TMEM108: variants seen among roughly 807,000 people sequenced by gnomAD.
TMEM108 encodes cancer/testis antigen 124.
A neutral mutation model predicts 35.1 loss-of-function variants in TMEM108; 12 were observed. The observed-to-expected ratio is 0.34, with a 90% CI of 0.22 to 0.55. The LOEUF is 0.55. TMEM108 is among the 20% of genes least tolerant of loss of function. The pLI, the probability that TMEM108 is intolerant of heterozygous loss-of-function variation, is 0.89. For synonymous variants in TMEM108, 287 were observed against 308.6 expected (o/e 0.93, Z 0.73); for missense variants, 680 against 753.3 (o/e 0.90, Z 1.14).
intron 3 of TMEM108, among the ~76,000 whole-genome samples, chr3:133,241,121 A>G (rs1946307097): frequency 6.9e-6 from 1 of 144,362 alleles, no homozygotes; most frequent in Non-Finnish European, 1.5e-5. Context: ...AAATTCAAAC[A>G]GAATATTTTA....
chr3:133,334,794 G>C (rs991117224), intron 3 of TMEM108, among the ~76,000 whole-genome samples: 3 of 152,144 alleles, frequency 2.0e-5, no homozygotes, highest in Non-Finnish European at 4.4e-5. Flanking sequence ...GACATTTTAG[G>C]CATAACTGAT....
At chr3:133,268,828 A>T (rs1946733659) in intron 3 of TMEM108, among the ~76,000 whole-genome samples, 8 of 152,236 alleles carry the variant, frequency 5.3e-5, no homozygotes, top group Admixed American at 5.2e-4. Context: ...TAATGTGATA[A>T]ACAGAGATTT....
In TMEM108 at chr3:133,381,111, T is replaced by C. The variant is rs2073000461; in HGVS notation, c.1400T>C (p.Met467Thr). The change falls in exon 4 of 6, where the codon ATG (methionine) becomes ACG (threonine). Residue 467 changes from methionine (M) to threonine (T), a missense_variant. By Grantham distance (81) the Met-to-Thr change is moderately conservative. Transcript: ENST00000321871. The stretch of plus-strand genomic sequence containing the variant: ...AGAGCCACCATCTGCCTGAGCAAGA[T>C]GGATATCGCCTGGGTGATCCTGGCC... ...QHRATICLSK[M>T]DIAWVILAIS... The C allele has an allele frequency of 1.9e-6, 3 of 1,613,352 alleles. No individual in the cohort carries two copies. The highest frequency in any genetic ancestry group is 3.3e-5 in the Admixed American group (2 of 59,970).
Position 133,133,998 on chromosome 3 carries a change from G to C in TMEM108, c.-47+87978G>C, listed in dbSNP as rs554604849. ...CAGGTGGTCTCGATCTCCTGACCTC[G>C]TGATCCACCCACCTCAGCCTCCCAA... On this transcript the variant is annotated intron_variant, in intron 2 of 5. Coordinates refer to ENST00000321871, the MANE Select transcript of TMEM108 (RefSeq NM_023943.4). Among the ~76,000 whole-genome samples the C allele has an allele frequency of 9.9e-5, 15 of 151,892 alleles. 1 individual carries two copies. The South Asian group carries it at 2.9e-3, about 29-fold the overall frequency.
intron 3 of TMEM108, among the ~76,000 whole-genome samples, chr3:133,313,387 C>T (rs545851942): frequency 6.6e-4 from 100 of 152,070 alleles, no homozygotes; most frequent in Non-Finnish European, 5.6e-4. Flanking sequence ...TTAGTAGAGA[C>T]GGGTTTTCAC....
At chr3:133,376,200 T>C (rs534168387) in intron 3 of TMEM108, among the ~76,000 whole-genome samples, 15 of 152,266 alleles carry the variant, frequency 9.9e-5, no homozygotes, top group African/African-American at 2.6e-4. Flanking sequence ...GGAATGCCAG[T>C]GATGGGAAAG....
At chr3:133,316,905 A>G (rs2071206364) in intron 3 of TMEM108, among the ~76,000 whole-genome samples, 2 of 152,224 alleles carry the variant, frequency 1.3e-5, no homozygotes, top group African/African-American at 4.8e-5. Flanking sequence ...TCTGAATACC[A>G]AGCCAGAAGA....
chr3:133,073,510 C>CTCTCTATATA lies in TMEM108; in HGVS notation c.-47+27491_-47+27492insCTCTATATAT. 1.2e-3 allele frequency among the ~76,000 whole-genome samples: 54 copies of CTCTCTATATA among 43,896 alleles called. 1 individual carries two copies. The highest frequency in any genetic ancestry group is 4.4e-3 in the African/African-American group (37 of 8,428). The allele number at this position is 43,896 out of a possible 152,430, so 28.8% of individuals were successfully genotyped here. ...TCTCTCTCTCTCTCTCTCTCTCTCT[C>CTCTCTATATA]TATATATATATATATATATATATAT... On this transcript the variant is annotated intron_variant, in intron 2 of 5. Coordinates refer to ENST00000321871, the MANE Select transcript of TMEM108 (RefSeq NM_023943.4).
intron 2 of TMEM108, among the ~76,000 whole-genome samples, chr3:133,216,450 T>G (rs1945910285): frequency 6.6e-6 from 1 of 152,164 alleles, no homozygotes; most frequent in African/African-American, 2.4e-5. Flanking sequence ...ATATTTTTTA[T>G]GGTGAGAACA....
At chr3:133,066,397 A>G (rs1162424096) in intron 2 of TMEM108, among the ~76,000 whole-genome samples, 1 of 152,194 alleles carries the variant, frequency 6.6e-6, no homozygotes, top group Non-Finnish European at 1.5e-5. Context: ...ATAAAAAATA[A>G]TAACTTAAAA....
intron 4 of TMEM108, chr3:133,386,332 A>G (rs2073148651): frequency 6.8e-7 from 1 of 1,463,188 alleles, no homozygotes; most frequent in African/African-American, 1.4e-5. Context: ...TGCCTGCTCA[A>G]ACAGGCCCGG....
intron 2 of TMEM108, among the ~76,000 whole-genome samples, chr3:133,138,204 A>T (rs747706953): frequency 1.3e-5 from 2 of 152,194 alleles, no homozygotes; most frequent in Non-Finnish European, 2.9e-5. Flanking sequence ...AGTTGAGAAA[A>T]AGAGGAACAG....
intron 2 of TMEM108, among the ~76,000 whole-genome samples, chr3:133,187,344 T>C (rs537150032): frequency 4.2e-4 from 64 of 152,168 alleles, no homozygotes; most frequent in African/African-American, 1.4e-3. Context: ...TTAGAAACCA[T>C]GAGAAGTTCT....
intron 3 of TMEM108, among the ~76,000 whole-genome samples, chr3:133,322,254 A>G (rs2071276198): frequency 6.6e-6 from 1 of 152,162 alleles, no homozygotes; most frequent in Non-Finnish European, 1.5e-5. Context: ...TTGAAAAGAT[A>G]AATAAAATTG....
chr3:133,348,528 A>G (rs1449694827), intron 3 of TMEM108, among the ~76,000 whole-genome samples: 1 of 152,160 alleles, frequency 6.6e-6, no homozygotes, highest in Non-Finnish European at 1.5e-5. Context: ...CCTCTAATAC[A>G]TGCTAATATG....
chr3:133,141,750 A>G (rs7630783), intron 2 of TMEM108, among the ~76,000 whole-genome samples: 75,040 of 151,990 alleles, frequency 0.49, 18,840 homozygotes, highest in Admixed American at 0.53. Context: ...ATCCACTTTT[A>G]TCTTCATGGT....
chr3:133,337,192 A>G (rs933763570), intron 3 of TMEM108, among the ~76,000 whole-genome samples: 2 of 152,300 alleles, frequency 1.3e-5, no homozygotes, highest in South Asian at 4.1e-4. Flanking sequence ...AAAGAACCCC[A>G]GGACCTTTAG....
intron 2 of TMEM108, among the ~76,000 whole-genome samples, chr3:133,179,491 T>C (rs1945295319): frequency 6.6e-6 from 1 of 152,010 alleles, no homozygotes; most frequent in Admixed American, 6.5e-5. Context: ...AAATGATGAG[T>C]TCATGTCCTT....
At chr3:133,361,132 T>G (rs1299672211) in intron 3 of TMEM108, among the ~76,000 whole-genome samples, 1 of 152,208 alleles carries the variant, frequency 6.6e-6, no homozygotes, top group East Asian at 1.9e-4. Flanking sequence ...TTTTAAACCT[T>G]GCAATCATTT....
Sources: allele counts gnomAD v4.1 joint callset (sites outside exome capture counted in the v4.1 genomes callset), GRCh38; gene constraint gnomAD v4.1.1; transcripts MANE v1.5; gene names NCBI Gene and HGNC (gene_info 2026-07-23, HGNC 2026-07-21).